HCN1: variants seen among roughly 807,000 people sequenced by gnomAD.
HCN1 encodes the protein hyperpolarization activated cyclic nucleotide gated potassium channel 1, also known as potassium/sodium hyperpolarization-activated cyclic nucleotide-gated channel 1.
Under a neutral mutation model 78.9 loss-of-function variants are expected in HCN1, and 13 were observed. That is an observed-to-expected ratio of 0.16 (90% CI 0.11 to 0.26). The LOEUF (loss-of-function observed/expected upper bound fraction) is 0.26, where lower values mean the gene tolerates loss of function less well. HCN1 is among the 10% of genes least tolerant of loss of function. The probability of loss-of-function intolerance (pLI) is 1.00; values close to 1 mark genes in which losing one functional copy is unlikely to be tolerated. For synonymous variants in HCN1, 552 were observed against 455.5 expected, an observed-to-expected ratio of 1.21 and a Z score of -2.70; for missense variants, 810 against 1,154.3, an observed-to-expected ratio of 0.70 and a Z score of 4.32.
chr5:45,350,535 C>T (rs996703548), intron 5 of HCN1, among the ~76,000 whole-genome samples: 26 of 151,368 alleles, frequency 1.7e-4, no homozygotes, highest in Non-Finnish European at 3.4e-4. Context: ...GGCAATCAGG[C>T]AGGAGAAGGA....
At position 45,353,241 on chromosome 5, in the gene HCN1, CT is replaced by C; in HGVS notation, c.1235del (p.Lys412SerfsTer46). On this transcript the variant is annotated frameshift_variant, in exon 5 of 8. Transcript: ENST00000303230. LOFTEE classifies it high-confidence loss of function. ...GGAATGACATGTATTGTTCCACTTG[CT>C]TATACTGTAAGGAAGGGAAAATAAA... ...SSRRQYQEKYKQVEQYMSFHK... is the reference protein window; with the variant it reads ...SSRRQYQEKYXQVEQYMSFHK... 1 of 1,597,110 alleles carries C rather than the reference CT, an allele frequency of 6.3e-7. No individual in the cohort carries two copies. The highest frequency in any genetic ancestry group is 8.6e-7 in the Non-Finnish European group (1 of 1,165,994).
chr5:45,636,688 A>G (rs1355803061), intron 2 of HCN1, among the ~76,000 whole-genome samples: 1 of 152,120 alleles, frequency 6.6e-6, no homozygotes, highest in African/African-American at 2.4e-5. Context: ...TCTGTACAAA[A>G]GAAAAATTTT....
At chr5:45,561,016 TTC>T (rs2111878703) in intron 2 of HCN1, among the ~76,000 whole-genome samples, 1 of 152,248 alleles carries the variant, frequency 6.6e-6, no homozygotes, top group Admixed American at 6.5e-5. Flanking sequence ...TTTTTGCAGA[TTC>T]TGTCTTTGTT....
chr5:45,372,709 ATATATAAAAATATATACGTATT>A (rs1561128746), intron 4 of HCN1, among the ~76,000 whole-genome samples: 33 of 143,168 alleles, frequency 2.3e-4, no homozygotes, highest in East Asian at 1.7e-3. Context: ...ATACGTATTT[ATATATAAAAATATATACGTATT>A]TATATAAAAA....
intron 2 of HCN1, chr5:45,576,727 T>C (rs1344191837): frequency 6.6e-6 from 1 of 152,120 alleles, no homozygotes; most frequent in Non-Finnish European, 1.5e-5. Flanking sequence ...AAACATAACA[T>C]TTATATGCAC....
chr5:45,612,482 T>C (rs1744857946), intron 2 of HCN1, among the ~76,000 whole-genome samples: 1 of 152,204 alleles, frequency 6.6e-6, no homozygotes, highest in African/African-American at 2.4e-5. Flanking sequence ...ATCATTTTAT[T>C]ATTTTAAAAG....
chr5:45,424,117 TCCAAAAAAAAA>T (rs1455236472), intron 3 of HCN1, among the ~76,000 whole-genome samples: 2 of 48,738 alleles, frequency 4.1e-5, no homozygotes, highest in African/African-American at 1.5e-4. Flanking sequence ...CTACTAAAAA[TCCAAAAAAAAA>T]AAAAAAAAAA....
intron 2 of HCN1, among the ~76,000 whole-genome samples, chr5:45,571,707 T>C (rs1283114077): frequency 1.3e-5 from 2 of 152,066 alleles, no homozygotes; most frequent in Non-Finnish European, 2.9e-5. Context: ...CTGAAGTCAG[T>C]AGTTTGAGAC....
rs1561128197 is a variant in HCN1, at chr5:45,372,242, T to TAATATAA, written c.1231-18997_1231-18996insTTATATT. ...TAATATATATAATATATATTATATT[T>TAATATAA]TATATATAATATATATTTATATATA... On this transcript the variant is annotated intron_variant, in intron 4 of 7. Transcript: ENST00000303230. Among the ~76,000 whole-genome samples the TAATATAA allele has an allele frequency of 5.6e-5, 4 of 71,540 alleles. No individual in the cohort carries two copies. The East Asian group carries it at 1.6e-3, about 28-fold the overall frequency. The allele number at this position is 71,540 out of a possible 152,430, so 46.9% of individuals were successfully genotyped here. A position where few individuals can be genotyped will look rare whatever the true frequency, so the allele number is the denominator to read the frequency against.
At chr5:45,376,178 A>G (rs1431117660) in intron 4 of HCN1, among the ~76,000 whole-genome samples, 3 of 9,160 alleles carry the variant, frequency 3.3e-4, no homozygotes, top group South Asian at 6.4e-3. Flanking sequence ...TATATAATAT[A>G]TTACATATAA....
intron 1 of HCN1, among the ~76,000 whole-genome samples, chr5:45,649,832 C>T (rs1269826583): frequency 6.6e-6 from 1 of 151,564 alleles, no homozygotes; most frequent in Non-Finnish European, 1.5e-5. Flanking sequence ...TAAAGAAAAC[C>T]TTTTATAATA....
chr5:45,374,020 T>C (rs187749316), intron 4 of HCN1, among the ~76,000 whole-genome samples: 6 of 81,188 alleles, frequency 7.4e-5, no homozygotes, highest in Non-Finnish European at 8.6e-5. Flanking sequence ...TAATATATAT[T>C]ATATATATTA....
intron 2 of HCN1, 90 bp from the exon 3 acceptor site, chr5:45,462,097 C>T (rs556123399): frequency 2.1e-5 from 20 of 941,702 alleles, no homozygotes; most frequent in South Asian, 1.0e-4. Flanking sequence ...TGTTGTGTAG[C>T]GTAAGCATTG....
At chr5:45,321,145 A>G (rs935789664) in intron 5 of HCN1, among the ~76,000 whole-genome samples, 1 of 151,766 alleles carries the variant, frequency 6.6e-6, no homozygotes, top group East Asian at 2.0e-4. Context: ...TGTTTCCTCA[A>G]CGGTATCTCT....
chr5:45,454,172 A>G (rs972415044), intron 3 of HCN1, among the ~76,000 whole-genome samples: 2 of 152,152 alleles, frequency 1.3e-5, no homozygotes, highest in Non-Finnish European at 2.9e-5. Flanking sequence ...ATTTTATCTG[A>G]AAACAAAATA....
At chr5:45,293,919 C>A (rs1281441212) in intron 6 of HCN1, among the ~76,000 whole-genome samples, 1 of 151,872 alleles carries the variant, frequency 6.6e-6, no homozygotes, top group Admixed American at 6.6e-5. Context: ...AAAATTACTT[C>A]ATTTACCCTC....
chr5:45,645,376 T>C lies in HCN1; in HGVS notation c.658A>G (p.Ser220Gly), dbSNP rs1745530023. Residue 220 changes from serine (S) to glycine (G), a missense_variant, in exon 2 of 8, where the codon AGC (serine) becomes GGC (glycine). Transcript: ENST00000303230. ...GAGATGAAGTCAACCACAAACCAGC[T>C]TTTTAAATAATTCATCTTGATCACT... ...PKVIKMNYLK[S>G]WFVVDFISSI... 3 of 1,613,498 alleles carry C rather than the reference T, an allele frequency of 1.9e-6. No individual in the cohort carries two copies. The highest frequency in any genetic ancestry group is 2.2e-5 in the South Asian group (2 of 91,072).
chr5:45,471,516 T>G (rs750662377), intron 2 of HCN1, among the ~76,000 whole-genome samples: 5 of 151,960 alleles, frequency 3.3e-5, no homozygotes, highest in Non-Finnish European at 7.4e-5. Flanking sequence ...CTGTTCTGTC[T>G]TAACGAGTTC....
chr5:45,323,515 T>C (rs191965722), intron 5 of HCN1, among the ~76,000 whole-genome samples: 1 of 152,028 alleles, frequency 6.6e-6, no homozygotes, highest in African/African-American at 2.4e-5. Context: ...TTTATTAATT[T>C]AGAAAGAATT....
Sources: allele counts gnomAD v4.1 joint callset (sites outside exome capture counted in the v4.1 genomes callset), GRCh38; gene constraint gnomAD v4.1.1; transcripts MANE v1.5; gene names NCBI Gene and HGNC (gene_info 2026-07-23, HGNC 2026-07-21).